The following FUT9 variants were observed in gnomAD, a reference collection of about 807,000 sequenced individuals.
FUT9 encodes fucosyltransferase 9, also known as 4-galactosyl-N-acetylglucosaminide 3-alpha-L-fucosyltransferase 9.
Under a neutral mutation model 29.7 loss-of-function variants are expected in FUT9, and 15 were observed. The ratio of observed to expected loss-of-function variants is 0.51; its 90% confidence interval spans 0.34 to 0.78. The LOEUF (loss-of-function observed/expected upper bound fraction) is 0.78. Among genes scored for constraint, FUT9 ranks in the 30% least tolerant of loss-of-function variants. The pLI is 0.01. For missense variants in FUT9, 319 were observed against 425.4 expected, an observed-to-expected ratio of 0.75 and a Z score of 2.20; for synonymous variants, 169 against 153.7, an observed-to-expected ratio of 1.10 and a Z score of -0.74.
At chr6:96,179,032 T>C (rs190390708) in intron 2 of FUT9, among the ~76,000 whole-genome samples, 2 of 152,266 alleles carry the variant, frequency 1.3e-5, no homozygotes, top group African/African-American at 4.8e-5. Flanking sequence ...GGTCTTATTT[T>C]ATACCACAAG....
intron 1 of FUT9, among the ~76,000 whole-genome samples, chr6:96,095,530 C>A (rs187544933): frequency 2.3e-4 from 35 of 152,260 alleles, no homozygotes; most frequent in African/African-American, 8.4e-4. Context: ...TTATCAGCAG[C>A]ATTTGACAAA....
At position 96,212,873 on chromosome 6, in the gene FUT9, A is replaced by C. The variant is rs550689728; in HGVS notation, c.*8638A>C. 6.6e-5 allele frequency: 11 copies of C among 166,834 alleles called. No individual in the cohort carries two copies. The highest frequency in any genetic ancestry group is 2.4e-4 in the African/African-American group (10 of 41,572). The allele number at this position is 166,834 out of a possible 1,614,324, so 10.3% of individuals were successfully genotyped here. On this transcript the variant is annotated 3_prime_UTR_variant, in exon 3 of 3. Transcript: ENST00000302103. ...AGTGTCAACAAGAAACAAGAAGAGG[A>C]GTAGTAAACTAAGGATCAAAGCCCA... is the stretch of plus-strand genomic sequence containing the variant.
chr6:96,086,023 C>A (rs1182790803), intron 1 of FUT9, among the ~76,000 whole-genome samples: 3 of 152,130 alleles, frequency 2.0e-5, no homozygotes, highest in African/African-American at 7.2e-5. Flanking sequence ...TTATCCTCCA[C>A]ACTAAACTAA....
intron 2 of FUT9, among the ~76,000 whole-genome samples, chr6:96,158,421 T>C (rs1441658719): frequency 6.6e-6 from 1 of 152,142 alleles, no homozygotes; most frequent in East Asian, 1.9e-4. Context: ...CTTACTAAGA[T>C]ATTTTATTAA....
At chr6:96,082,387 G>A (rs1172974664) in intron 1 of FUT9, among the ~76,000 whole-genome samples, 4 of 151,044 alleles carry the variant, frequency 2.6e-5, no homozygotes, top group African/African-American at 9.7e-5. Flanking sequence ...TCCAGATCCC[G>A]GCACCTTAAA....
intron 2 of FUT9, among the ~76,000 whole-genome samples, chr6:96,147,853 C>CTGTGA (rs1772601837): frequency 6.7e-6 from 1 of 149,646 alleles, no homozygotes; most frequent in Non-Finnish European, 1.5e-5. Context: ...CACAGCCACA[C>CTGTGA]TAGATAAAAG....
chr6:96,077,689 C>T (rs914467481), intron 1 of FUT9, among the ~76,000 whole-genome samples: 12 of 152,132 alleles, frequency 7.9e-5, no homozygotes, highest in Non-Finnish European at 1.5e-4. Flanking sequence ...TGGGTTTTCT[C>T]TCTTGCTTTT....
intron 2 of FUT9, among the ~76,000 whole-genome samples, chr6:96,174,791 A>C (rs1354728065): frequency 1.3e-5 from 2 of 152,188 alleles, no homozygotes; most frequent in Non-Finnish European, 2.9e-5. Context: ...ACAGTTAGGA[A>C]GTAAATAATA....
In FUT9 at chr6:96,113,531, G is replaced by C. The variant is rs575837304; in HGVS notation, c.-97-508G>C. Among the ~76,000 whole-genome samples, 200 of 150,760 alleles carry C rather than the reference G, an allele frequency of 1.3e-3. 1 individual carries two copies. Among genetic ancestry groups the C allele is most frequent in the Non-Finnish European group, 2.5e-3 (170 of 67,754 alleles). The stretch of plus-strand genomic sequence containing the variant: ...TGGGAGTACAGGCATGAGACATTGC[G>C]CCCGACCATCAATAACATTTTTGTA... On this transcript the variant is annotated intron_variant, in intron 1 of 2. Coordinates refer to ENST00000302103, the MANE Select transcript of FUT9 (RefSeq NM_006581.4).
At position 96,212,072 on chromosome 6, in the gene FUT9, A is replaced by G. The variant is rs1233086645; in HGVS notation, c.*7837A>G. ...CACATGGCTGCATTCCATTTTGATT[A>G]ATGAGGGTTCAGGAAATAGAAAGGC... On this transcript the variant is annotated 3_prime_UTR_variant, in exon 3 of 3. Coordinates refer to ENST00000302103, the MANE Select transcript of FUT9 (RefSeq NM_006581.4). The G allele has an allele frequency of 7.3e-6, 3 of 412,392 alleles. No homozygotes were observed. Among genetic ancestry groups the G allele is most frequent in the African/African-American group, 2.1e-5 (1 of 48,604 alleles). 25.5% of individuals were successfully genotyped at this position (412,392 alleles called of 1,614,324 possible). A position where few individuals can be genotyped will look rare whatever the true frequency, so the allele number is the denominator to read the frequency against.
chr6:96,086,495 T>C (rs538088266), intron 1 of FUT9, among the ~76,000 whole-genome samples: 2 of 152,178 alleles, frequency 1.3e-5, no homozygotes, highest in East Asian at 3.8e-4. Context: ...TTATACTATA[T>C]GTAATGCTTA....
At chr6:96,175,590 T>G (rs1280594468) in intron 2 of FUT9, among the ~76,000 whole-genome samples, 1 of 152,216 alleles carries the variant, frequency 6.6e-6, no homozygotes, top group Non-Finnish European at 1.5e-5. Flanking sequence ...GGCATGTACA[T>G]TGAAAATATA....
At chr6:96,040,655 G>A (rs1770443894) in intron 1 of FUT9, among the ~76,000 whole-genome samples, 1 of 152,148 alleles carries the variant, frequency 6.6e-6, no homozygotes, top group African/African-American at 2.4e-5. Flanking sequence ...GATGGGGAGA[G>A]CAAGAACAGT....
At chr6:96,192,617 G>A (rs1222106840) in intron 2 of FUT9, among the ~76,000 whole-genome samples, 2 of 152,116 alleles carry the variant, frequency 1.3e-5, no homozygotes, top group Non-Finnish European at 1.5e-5. Context: ...CGTGAAAATG[G>A]CCATACTGTC....
chr6:96,063,691 T>C (rs776613647), intron 1 of FUT9, among the ~76,000 whole-genome samples: 2 of 152,170 alleles, frequency 1.3e-5, no homozygotes, highest in Admixed American at 1.3e-4. Context: ...CAATGAAGCA[T>C]TGCAGGGTCA....
At chr6:96,148,789 G>A (rs756390504) in intron 2 of FUT9, among the ~76,000 whole-genome samples, 4 of 152,074 alleles carry the variant, frequency 2.6e-5, no homozygotes, top group South Asian at 2.1e-4. Flanking sequence ...CTGTACATGC[G>A]CAGAAATCCC....
intron 1 of FUT9, among the ~76,000 whole-genome samples, chr6:96,027,431 G>A (rs759117714): frequency 2.0e-5 from 3 of 151,382 alleles, no homozygotes; most frequent in African/African-American, 4.8e-5. Flanking sequence ...TTATTTCTTT[G>A]TCATAGTTTT....
rs1773803394 is a variant in FUT9, at chr6:96,205,093, C to T, written c.*858C>T. 1 of 166,624 alleles carries T rather than the reference C, an allele frequency of 6.0e-6. No homozygotes were observed. The highest frequency in any genetic ancestry group is 1.5e-5 in the Non-Finnish European group (1 of 68,016). The allele number at this position is 166,624 out of a possible 1,614,324, so 10.3% of individuals were successfully genotyped here. ...CTATAAATATATTTATAAATGGTGT[C>T]ATTTATGAACAATGTTTAATTATGT... On this transcript the variant is annotated 3_prime_UTR_variant, in exon 3 of 3. Transcript: ENST00000302103.
intron 1 of FUT9, among the ~76,000 whole-genome samples, chr6:96,084,526 T>C (rs1048729802): frequency 2.1e-4 from 32 of 152,132 alleles, no homozygotes; most frequent in African/African-American, 7.5e-4. Flanking sequence ...CTGGTAGTTT[T>C]TCAGAGTGTG....
Sources: gnomAD v4.1 joint callset for allele counts (sites outside exome capture counted in the v4.1 genomes callset) on GRCh38, gnomAD v4.1.1 for gene constraint, MANE v1.5 for transcripts, NCBI Gene and HGNC (gene_info 2026-07-23, HGNC 2026-07-21) for gene names.